ARHGAP26: variants seen among roughly 807,000 people sequenced by gnomAD.
ARHGAP26 encodes Rho GTPase activating protein 26.
A neutral mutation model predicts 104.8 loss-of-function variants in ARHGAP26; 38 were observed. The observed-to-expected ratio is 0.36, with a 90% CI of 0.28 to 0.48. The LOEUF (loss-of-function observed/expected upper bound fraction) is 0.48. ARHGAP26 is among the 20% of genes least tolerant of loss of function. ARHGAP26 has a pLI of 0.99. For missense variants in ARHGAP26, 704 were observed against 947.9 expected (o/e 0.74, Z 3.38); for synonymous variants, 341 against 340.0 (o/e 1.00, Z -0.03).
At chr5:142,933,487 C>T (rs534512063) in intron 11 of ARHGAP26, among the ~76,000 whole-genome samples, 2 of 152,210 alleles carry the variant, frequency 1.3e-5, no homozygotes, top group East Asian at 1.9e-4. Flanking sequence ...CTCTGAAGTA[C>T]GGTGGCTTAT....
chr5:142,947,778 G>C (rs1021305522), intron 11 of ARHGAP26, among the ~76,000 whole-genome samples: 1 of 152,138 alleles, frequency 6.6e-6, no homozygotes, highest in East Asian at 1.9e-4. Context: ...TGACTTTCTT[G>C]TTCTTCACTA....
intron 1 of ARHGAP26, among the ~76,000 whole-genome samples, chr5:142,819,131 CTCT>C (rs1765649573): frequency 6.6e-6 from 1 of 152,186 alleles, no homozygotes; most frequent in Non-Finnish European, 1.5e-5. Context: ...CTGGTGTCTC[CTCT>C]TACTTGCCTC....
chr5:143,042,471 C>T (rs1317125006), intron 14 of ARHGAP26, among the ~76,000 whole-genome samples: 1 of 152,184 alleles, frequency 6.6e-6, no homozygotes, highest in East Asian at 1.9e-4. Context: ...GCAGTGTCTC[C>T]AAATGTGCAG....
intron 11 of ARHGAP26, among the ~76,000 whole-genome samples, chr5:143,007,010 G>C (rs569002646): frequency 6.6e-6 from 1 of 151,994 alleles, no homozygotes; most frequent in Non-Finnish European, 1.5e-5. Flanking sequence ...CGGGTGGATT[G>C]CCTGAGCTCA....
chr5:142,804,534 C>T (rs1762628368), intron 1 of ARHGAP26, among the ~76,000 whole-genome samples: 1 of 152,148 alleles, frequency 6.6e-6, no homozygotes, highest in Admixed American at 6.5e-5. Context: ...CTGTGTTGCC[C>T]AGGCTGGAGT....
chr5:143,088,538 T>C (rs1478235263), intron 17 of ARHGAP26, among the ~76,000 whole-genome samples: 1 of 152,168 alleles, frequency 6.6e-6, no homozygotes, highest in African/African-American at 2.4e-5. Context: ...TTAAATTTCA[T>C]GTGAAGCAGA....
chr5:142,818,603 G>C (rs1026425734), intron 1 of ARHGAP26, among the ~76,000 whole-genome samples: 3 of 152,170 alleles, frequency 2.0e-5, no homozygotes, highest in Non-Finnish European at 4.4e-5. Context: ...TCACCTTGGA[G>C]ATCACTTAAT....
At chr5:143,025,150 A>C (rs1034715068) in intron 12 of ARHGAP26, among the ~76,000 whole-genome samples, 8 of 152,170 alleles carry the variant, frequency 5.3e-5, no homozygotes, top group Admixed American at 6.5e-5. Context: ...GGCACTGTAC[A>C]GTCTCTTTAA....
chr5:143,087,048 A>C (rs1790695456), intron 17 of ARHGAP26, among the ~76,000 whole-genome samples: 1 of 152,254 alleles, frequency 6.6e-6, no homozygotes, highest in African/African-American at 2.4e-5. Flanking sequence ...AGTGTTTGCC[A>C]GGGTCCTTGG....
intron 17 of ARHGAP26, among the ~76,000 whole-genome samples, chr5:143,075,324 TATA>T (rs1788841448): frequency 6.7e-6 from 1 of 149,832 alleles, no homozygotes; most frequent in Non-Finnish European, 1.5e-5. Flanking sequence ...TATATATAAA[TATA>T]ATTTTATTAA....
chr5:143,148,123 C>T (rs541188703), intron 20 of ARHGAP26, among the ~76,000 whole-genome samples: 2 of 152,128 alleles, frequency 1.3e-5, no homozygotes, highest in Non-Finnish European at 2.9e-5. Flanking sequence ...GAGGCCATGA[C>T]CGGAACAGTT....
intron 19 of ARHGAP26, among the ~76,000 whole-genome samples, chr5:143,140,969 C>T (rs745539501): frequency 9.9e-5 from 15 of 152,208 alleles, no homozygotes; most frequent in African/African-American, 2.9e-4. Context: ...CAAAGGCTTA[C>T]GTAATGCCTT....
intron 10 of ARHGAP26, among the ~76,000 whole-genome samples, chr5:142,914,708 G>C (rs557223535): frequency 6.6e-6 from 1 of 152,282 alleles, no homozygotes; most frequent in South Asian, 2.1e-4. Flanking sequence ...TGGGGTCGGA[G>C]GATAGCTTGA....
intron 5 of ARHGAP26, among the ~76,000 whole-genome samples, chr5:142,890,927 T>G (rs1488712042): frequency 2.6e-5 from 4 of 152,224 alleles, no homozygotes; most frequent in Non-Finnish European, 5.9e-5. Flanking sequence ...GGGAGTCAAT[T>G]CTGTTTTCCT....
intron 17 of ARHGAP26, among the ~76,000 whole-genome samples, chr5:143,092,580 C>T (rs1791615952): frequency 6.6e-6 from 1 of 151,688 alleles, no homozygotes; most frequent in South Asian, 2.1e-4. Context: ...AAATGATAAC[C>T]ATGCTTTTCC....
At chr5:142,989,554 C>T (rs1415546763) in intron 11 of ARHGAP26, among the ~76,000 whole-genome samples, 3 of 152,156 alleles carry the variant, frequency 2.0e-5, no homozygotes, top group African/African-American at 7.2e-5. Flanking sequence ...TTAGTTGATA[C>T]AGTTTCTTCC....
intron 20 of ARHGAP26, among the ~76,000 whole-genome samples, chr5:143,193,245 T>C (rs113265006): frequency 2.2e-4 from 18 of 83,150 alleles, no homozygotes; most frequent in Admixed American, 4.7e-4. Flanking sequence ...CTTTTCTTTT[T>C]TTTTTTTTTT....
At chr5:142,843,376 C>A (rs534467267) in intron 1 of ARHGAP26, among the ~76,000 whole-genome samples, 8 of 152,300 alleles carry the variant, frequency 5.3e-5, no homozygotes, top group African/African-American at 9.6e-5. Context: ...ATTGAAGCAA[C>A]TAATGTAGGG....
At chr5:143,171,075 A>G (rs1377946107) in intron 20 of ARHGAP26, among the ~76,000 whole-genome samples, 1 of 152,200 alleles carries the variant, frequency 6.6e-6, no homozygotes, top group Non-Finnish European at 1.5e-5. Flanking sequence ...ATAATAAAGG[A>G]CAGAGAATAT....
Sources: gnomAD v4.1 joint callset for allele counts (sites outside exome capture counted in the v4.1 genomes callset) on GRCh38, gnomAD v4.1.1 for gene constraint, MANE v1.5 for transcripts, NCBI Gene and HGNC (gene_info 2026-07-23, HGNC 2026-07-21) for gene names.